Variants in AIG1 observed in about 807,000 individuals in gnomAD.
The protein encoded by AIG1 is androgen induced 1.
A neutral mutation model predicts 31.4 loss-of-function variants in AIG1; 23 were observed. The observed-to-expected ratio is 0.73, with a 90% CI of 0.53 to 1.04. The LOEUF is 1.04. AIG1 is among the 50% of genes least tolerant of loss of function. The pLI, the probability that AIG1 is intolerant of heterozygous loss-of-function variation, is 0.00. For missense variants in AIG1, 274 were observed against 295.0 expected (o/e 0.93, Z 0.52); for synonymous variants, 100 against 110.5 (o/e 0.90, Z 0.60).
chr6:143,128,162 A>G (rs1782864374), intron 1 of AIG1, among the ~76,000 whole-genome samples: 1 of 152,230 alleles, frequency 6.6e-6, no homozygotes, highest in African/African-American at 2.4e-5. Flanking sequence ...ATAATAGACT[A>G]TTACATTAAT....
chr6:143,339,783 A>G lies in AIG1; in HGVS notation c.*107A>G. The stretch of plus-strand genomic sequence containing the variant: ...GGCTTCAAAGGAACTTGGTGGCATC[A>G]GCACCCCCCTCCCCCAATGAGGACA... On this transcript the variant is annotated 3_prime_UTR_variant, in exon 6 of 6. Coordinates refer to ENST00000357847, the MANE Select transcript of AIG1 (RefSeq NM_016108.4). 2.7e-6 allele frequency: 3 copies of G among 1,105,856 alleles called. No homozygotes were observed. Among genetic ancestry groups the G allele is most frequent in the Non-Finnish European group, 4.0e-6 (3 of 754,332 alleles). The allele number at this position is 1,105,856 out of a possible 1,614,324, so 68.5% of individuals were successfully genotyped here.
At chr6:143,090,948 C>A (rs192310862) in intron 1 of AIG1, among the ~76,000 whole-genome samples, 246 of 151,690 alleles carry the variant, frequency 1.6e-3, no homozygotes, top group Non-Finnish European at 1.7e-3. Context: ...TGTTGTCAAT[C>A]CTCTCAGATC....
At chr6:143,310,399 G>A (rs1441262886) in intron 4 of AIG1, among the ~76,000 whole-genome samples, 1 of 151,796 alleles carries the variant, frequency 6.6e-6, no homozygotes, top group African/African-American at 2.4e-5. Flanking sequence ...ATAACCCATG[G>A]TTCAAATAAG....
chr6:143,145,807 T>A (rs1236837728), intron 2 of AIG1, among the ~76,000 whole-genome samples: 2 of 152,234 alleles, frequency 1.3e-5, no homozygotes, highest in East Asian at 3.8e-4. Flanking sequence ...TTCTAGGTAA[T>A]TTATTTTTTA....
chr6:143,290,960 G>T (rs931339264), intron 4 of AIG1, among the ~76,000 whole-genome samples: 3 of 152,242 alleles, frequency 2.0e-5, no homozygotes, highest in Admixed American at 6.5e-5. Context: ...GGGGAAGAGG[G>T]ACAGGGTCTT....
Position 143,284,365 on chromosome 6 carries a change from G to C in AIG1, c.515+140G>C. The stretch of plus-strand genomic sequence containing the variant: ...TGGTCCAAGACCTGGGCTTTGTCTC[G>C]TTTCCCCAGATGCTTATATTTTTAG... On this transcript the variant is annotated intron_variant, in intron 4 of 5. Transcript: ENST00000357847. This position sits in a 1 kb window ranked among gnomAD's most constrained non-coding sequence, Gnocchi z 4.4. The C allele has an allele frequency of 1.7e-6, 1 of 587,850 alleles. No homozygotes were observed. The highest frequency in any genetic ancestry group is 3.0e-6 in the Non-Finnish European group (1 of 334,538). 36.4% of individuals were successfully genotyped at this position (587,850 alleles called of 1,614,324 possible). A position where few individuals can be genotyped will look rare whatever the true frequency, so the allele number is the denominator to read the frequency against.
chr6:143,185,740 C>A (rs1398127409), intron 3 of AIG1, among the ~76,000 whole-genome samples: 3 of 152,044 alleles, frequency 2.0e-5, no homozygotes, highest in Non-Finnish European at 4.4e-5. Flanking sequence ...CTCGGTGGCA[C>A]ATAATAGGTC....
chr6:143,150,919 A>T (rs1317988420), intron 2 of AIG1, among the ~76,000 whole-genome samples: 1 of 152,186 alleles, frequency 6.6e-6, no homozygotes, highest in Non-Finnish European at 1.5e-5. Flanking sequence ...AACAACAAAA[A>T]TATCTATAAT....
chr6:143,252,920 T>C (rs560815286), intron 3 of AIG1, among the ~76,000 whole-genome samples: 1 of 152,318 alleles, frequency 6.6e-6, no homozygotes, highest in African/African-American at 2.4e-5. Flanking sequence ...CAAAGGCTGT[T>C]GGATTGAGGG....
intron 3 of AIG1, among the ~76,000 whole-genome samples, chr6:143,253,013 A>G (rs1795122281): frequency 6.6e-6 from 1 of 152,172 alleles, no homozygotes; most frequent in Non-Finnish European, 1.5e-5. Flanking sequence ...TGTTTGCTTC[A>G]TCAAAGCCAA....
chr6:143,307,939 G>T (rs545076426), intron 4 of AIG1, among the ~76,000 whole-genome samples: 2 of 152,172 alleles, frequency 1.3e-5, no homozygotes, highest in African/African-American at 2.4e-5. Context: ...CCTCGCTGCC[G>T]CCTTGCAGTT....
chr6:143,237,872 A>G (rs1490873392), intron 3 of AIG1, among the ~76,000 whole-genome samples: 7 of 152,218 alleles, frequency 4.6e-5, no homozygotes, highest in Non-Finnish European at 8.8e-5. Flanking sequence ...AAAGAAGTCA[A>G]AGGGTAAGTG....
chr6:143,271,047 G>A (rs979243950), intron 3 of AIG1, among the ~76,000 whole-genome samples: 1 of 152,210 alleles, frequency 6.6e-6, no homozygotes, highest in African/African-American at 2.4e-5. Context: ...ATTACACTCA[G>A]ACTAGTCCAA....
chr6:143,071,215 A>C (rs773413313), intron 1 of AIG1, among the ~76,000 whole-genome samples: 1 of 152,184 alleles, frequency 6.6e-6, no homozygotes, highest in African/African-American at 2.4e-5. Context: ...TGCTTTTTTT[A>C]AAAATCAGAA....
At position 143,334,879 on chromosome 6, in the gene AIG1, C is replaced by T. The variant is rs879449915; in HGVS notation, c.679+1434C>T. 1.3e-5 allele frequency among the ~76,000 whole-genome samples: 2 copies of T among 152,134 alleles called. No individual in the cohort carries two copies. The highest frequency in any genetic ancestry group is 6.5e-5 in the Admixed American group (1 of 15,274). On this transcript the variant is annotated intron_variant, in intron 5 of 5. Coordinates refer to ENST00000357847, the MANE Select transcript of AIG1 (RefSeq NM_016108.4). The surrounding 1 kb of genome is among the most constrained non-coding windows in gnomAD (Gnocchi z 5.1). ...CTTCTATGAGAGGATGACCTGAAAA[C>T]CACTAGAGAGAAATATCCACTCTAC...
chr6:143,151,697 A>G (rs1333791371), intron 2 of AIG1, among the ~76,000 whole-genome samples: 1 of 152,236 alleles, frequency 6.6e-6, no homozygotes, highest in African/African-American at 2.4e-5. Flanking sequence ...ATTATAGACT[A>G]AAGATTAAAT....
At chr6:143,087,242 A>G (rs1016548207) in intron 1 of AIG1, among the ~76,000 whole-genome samples, 3 of 152,062 alleles carry the variant, frequency 2.0e-5, no homozygotes, top group Admixed American at 6.5e-5. Context: ...AGCTCCCAAG[A>G]TGGTGGCGGG....
intron 4 of AIG1, among the ~76,000 whole-genome samples, chr6:143,296,860 T>C (rs1478089435): frequency 6.6e-6 from 1 of 152,230 alleles, no homozygotes; most frequent in Non-Finnish European, 1.5e-5. Context: ...TATTGTAATA[T>C]TTTAATTCTC....
At chr6:143,281,743 TAG>T (rs1343215323) in intron 3 of AIG1, among the ~76,000 whole-genome samples, 1 of 152,240 alleles carries the variant, frequency 6.6e-6, no homozygotes, top group African/African-American at 2.4e-5. Flanking sequence ...TATAAATTTC[TAG>T]AGAGGGAGAT....
Sources: allele counts gnomAD v4.1 joint callset (sites outside exome capture counted in the v4.1 genomes callset), GRCh38; gene constraint gnomAD v4.1.1; non-coding constraint Gnocchi (gnomAD v3.1); transcripts MANE v1.5; gene names NCBI Gene and HGNC (gene_info 2026-07-23, HGNC 2026-07-21).